MRTFA: variants seen among roughly 807,000 people sequenced by gnomAD.
MRTFA encodes the protein myocardin-related transcription factor A.
Under a neutral mutation model 83.5 loss-of-function variants are expected in MRTFA, and 20 were observed. The ratio of observed to expected loss-of-function variants is 0.24; its 90% confidence interval spans 0.17 to 0.35. The LOEUF (loss-of-function observed/expected upper bound fraction) is 0.35. Among genes scored for constraint, MRTFA ranks in the 10% least tolerant of loss-of-function variants. The pLI is 1.00. For missense variants in MRTFA, 1,200 were observed against 1,224.7 expected (o/e 0.98, Z 0.30); for synonymous variants, 659 against 541.2 (o/e 1.22, Z -3.02).
intron 2 of MRTFA, among the ~76,000 whole-genome samples, chr22:40,581,290 A>G (rs1230183316): frequency 6.6e-6 from 1 of 152,228 alleles, no homozygotes; most frequent in African/African-American, 2.4e-5. Context: ...AAATGAAATT[A>G]AAACACGTGT....
In MRTFA at chr22:40,418,832, C is replaced by A. The variant is rs765752368; in HGVS notation, c.1906G>T (p.Ala636Ser). Reference sequence around the variant, plus strand: ...TTCTGCCGGAGCATGCGCGTCAGCGCCTCGATCTGCTTGTCTTTCTCCTGC... The same window carrying A: ...TTCTGCCGGAGCATGCGCGTCAGCGACTCGATCTGCTTGTCTTTCTCCTGC... Residue 636 changes from alanine (A) to serine (S), a missense_variant, in exon 12 of 15, where the codon GCG becomes TCG. Ala to Ser is a moderately conservative substitution (Grantham distance 99, BLOSUM62 1). Around this residue, in one of 2 missense-constraint regions of MRTFA, gnomAD observed 1,107 missense variants for 1,041.8 expected, o/e 1.06. Transcript: ENST00000355630. The A allele has an allele frequency of 6.2e-7, 1 of 1,611,630 alleles. No individual in the cohort carries two copies. Among genetic ancestry groups the A allele is most frequent in the South Asian group, 1.1e-5 (1 of 91,064 alleles).
Position 40,455,361 on chromosome 22 carries a change from T to C in MRTFA, c.307+7860A>G, listed in dbSNP as rs543364080. On this transcript the variant is annotated intron_variant, in intron 4 of 14. Coordinates refer to ENST00000355630, the MANE Select transcript of MRTFA (RefSeq NM_020831.6). ...TTCATAACTTGGAGAAAAGATCCCATGGCGGCCGGGTGCGGTGGCTCACAC... is the reference window on the plus strand; with the variant it reads ...TTCATAACTTGGAGAAAAGATCCCACGGCGGCCGGGTGCGGTGGCTCACAC... 4.8e-3 allele frequency among the ~76,000 whole-genome samples: 722 copies of C among 151,694 alleles called. 2 individuals carry two copies. The highest frequency in any genetic ancestry group is 7.0e-3 in the Non-Finnish European group (475 of 67,880).
chr22:40,454,556 T>C (rs1243903087), intron 4 of MRTFA, among the ~76,000 whole-genome samples: 9 of 152,220 alleles, frequency 5.9e-5, no homozygotes, highest in Non-Finnish European at 1.2e-4. Context: ...TATTACTTCC[T>C]ACATTTCAAA....
intron 2 of MRTFA, among the ~76,000 whole-genome samples, chr22:40,589,064 T>C (rs1348671631): frequency 6.6e-6 from 1 of 152,208 alleles, no homozygotes; most frequent in Admixed American, 6.5e-5. Flanking sequence ...TGCCGAAATC[T>C]TATATTCAAA....
At chr22:40,565,350 C>T (rs1475280973) in intron 2 of MRTFA, among the ~76,000 whole-genome samples, 5 of 152,168 alleles carry the variant, frequency 3.3e-5, no homozygotes, top group Non-Finnish European at 7.3e-5. Context: ...AGTTCAAGAC[C>T]AGCCTGGCCA....
rs183508365 is a variant in MRTFA at position 40,464,633 on chromosome 22, T to C, written c.242-1347A>G. Among the ~76,000 whole-genome samples, 135 of 152,222 alleles carry C rather than the reference T, an allele frequency of 8.9e-4. 1 individual carries two copies. The Middle Eastern group carries it at 0.02, about 23-fold the overall frequency. On this transcript the variant is annotated intron_variant, in intron 3 of 14. Coordinates refer to ENST00000355630, the MANE Select transcript of MRTFA (RefSeq NM_020831.6). ...GTGTAGGGGCCTTCCAAGTCACATC[T>C]GAGAGGAACCAGAATCTACTGGGAA...
intron 4 of MRTFA, among the ~76,000 whole-genome samples, chr22:40,459,772 TGATAA>T (rs1430905142): frequency 2.6e-4 from 29 of 109,736 alleles, no homozygotes; most frequent in Admixed American, 1.9e-3. Context: ...GGGACGGGAC[TGATAA>T]AATATACACA....
intron 3 of MRTFA, among the ~76,000 whole-genome samples, chr22:40,464,273 T>A (rs1293213574): frequency 8.1e-6 from 1 of 123,672 alleles, no homozygotes; most frequent in Non-Finnish European, 1.6e-5. Context: ...TCTCTCTCAC[T>A]CCAGCCTGGG....
intron 4 of MRTFA, among the ~76,000 whole-genome samples, chr22:40,459,054 G>C (rs2053646506): frequency 6.7e-6 from 1 of 149,098 alleles, no homozygotes; most frequent in African/African-American, 2.5e-5. Context: ...CAGCCTCGGC[G>C]ACAGAGTGAG....
At position 40,420,615 on chromosome 22, in the gene MRTFA, G is replaced by A. The variant is rs376248679; in HGVS notation, c.1182-39C>T. On this transcript the variant is annotated intron_variant, in intron 10 of 14. Transcript: ENST00000355630. The stretch of plus-strand genomic sequence containing the variant: ...GCAGAAATTAGCCCCATCCAGCTTC[G>A]CCCGTGGCCTCTGCAGGTGGCAGCC... 1.5e-4 allele frequency: 243 copies of A among 1,602,270 alleles called. No homozygotes were observed. In the South Asian group the frequency reaches 2.5e-3, roughly 17 times the overall value.
intron 3 of MRTFA, chr22:40,523,486 T>G (rs1283968497): frequency 2.0e-5 from 3 of 152,204 alleles, no homozygotes; most frequent in African/African-American, 7.2e-5. Flanking sequence ...ACTACAGGTG[T>G]GTATCACCAT....
chr22:40,576,028 CTT>C (rs918851256), intron 2 of MRTFA, among the ~76,000 whole-genome samples: 6 of 131,362 alleles, frequency 4.6e-5, no homozygotes, highest in Admixed American at 7.9e-5. Flanking sequence ...ATGTAAATTT[CTT>C]TTTTTTTTTT....
chr22:40,456,564 T>C (rs2053590090), intron 4 of MRTFA, among the ~76,000 whole-genome samples: 1 of 152,154 alleles, frequency 6.6e-6, no homozygotes, highest in Non-Finnish European at 1.5e-5. Context: ...GGCCCGCACC[T>C]GTAGTCTCAG....
intron 3 of MRTFA, chr22:40,519,471 GC>G: frequency 7.5e-7 from 1 of 1,340,736 alleles, no homozygotes; most frequent in Non-Finnish European, 9.9e-7. Flanking sequence ...TACCAGTGCT[GC>G]CCTCTCTTCT....
chr22:40,507,972 CAAAAAAAAAAAAAAA>C (rs11315930), intron 3 of MRTFA, among the ~76,000 whole-genome samples: 2 of 37,510 alleles, frequency 5.3e-5, no homozygotes, highest in East Asian at 8.5e-4. Context: ...GACTCCACCT[CAAAAAAAAAAAAAAA>C]AAAAAAAAAA....
intron 1 of MRTFA, among the ~76,000 whole-genome samples, chr22:40,608,699 G>C (rs984913160): frequency 2.0e-5 from 3 of 152,148 alleles, no homozygotes; most frequent in East Asian, 3.8e-4. Flanking sequence ...TGCTAAGCAA[G>C]TATAATGTGT....
chr22:40,433,830 T>G (rs977923056), intron 5 of MRTFA, among the ~76,000 whole-genome samples: 1 of 152,212 alleles, frequency 6.6e-6, no homozygotes, highest in Non-Finnish European at 1.5e-5. Flanking sequence ...TTAGTACATG[T>G]GTAAATATGG....
intron 1 of MRTFA, among the ~76,000 whole-genome samples, chr22:40,619,644 C>T (rs1448146178): frequency 6.6e-6 from 1 of 152,062 alleles, no homozygotes; most frequent in Non-Finnish European, 1.5e-5. Context: ...AACCCCAGCA[C>T]TTTGGGAGGC....
chr22:40,456,770 G>C (rs994757666), intron 4 of MRTFA, among the ~76,000 whole-genome samples: 6 of 152,032 alleles, frequency 3.9e-5, no homozygotes, highest in Non-Finnish European at 7.4e-5. Context: ...TACTGTATCG[G>C]CTCAGCCTAT....
Sources: gnomAD v4.1 joint callset for allele counts (sites outside exome capture counted in the v4.1 genomes callset) on GRCh38, gnomAD v4.1.1 for gene constraint, gnomAD v4.1.1 regional missense constraint, MANE v1.5 for transcripts, NCBI Gene and HGNC (gene_info 2026-07-23, HGNC 2026-07-21) for gene names.